GAREM1: variants seen among roughly 807,000 people sequenced by gnomAD.
The protein encoded by GAREM1 is GRB2 associated regulator of MAPK1 subtype 1, also known as GRB2-associated and regulator of MAPK protein 1.
In GAREM1, 26 loss-of-function variants were observed where a neutral mutation model predicts 71.3. The ratio of observed to expected loss-of-function variants is 0.36; its 90% CI spans 0.27 to 0.51. The LOEUF (loss-of-function observed/expected upper bound fraction) is 0.51. GAREM1 is among the 20% of genes least tolerant of loss of function. GAREM1 has a pLI of 0.95. For missense variants in GAREM1, 1,026 were observed against 1,103.1 expected (o/e 0.93, Z 0.99); for synonymous variants, 440 against 433.2 (o/e 1.02, Z -0.20).
chr18:32,338,080 A>G (rs1381592510), intron 2 of GAREM1, among the ~76,000 whole-genome samples: 1 of 152,196 alleles, frequency 6.6e-6, no homozygotes, highest in African/African-American at 2.4e-5. Flanking sequence ...TCAGAGTTTC[A>G]ATACTTACTC....
chr18:32,323,478 C>A lies in GAREM1; in HGVS notation c.263-13155G>T, dbSNP rs970361947. 2.0e-5 allele frequency among the ~76,000 whole-genome samples: 3 copies of A among 152,170 alleles called. No individual in the cohort carries two copies. In the East Asian group the frequency reaches 5.8e-4, roughly 29 times the overall value. On this transcript the variant is annotated intron_variant, in intron 2 of 5. Coordinates refer to ENST00000269209, the MANE Select transcript of GAREM1 (RefSeq NM_001242409.2). ...CAGTGGCTCACACCTGTAATCCCAG[C>A]ACTTTGGGAGGCCAAGGTGGGCAGA...
At chr18:32,409,574 G>A (rs1409253730) in intron 1 of GAREM1, among the ~76,000 whole-genome samples, 1 of 152,038 alleles carries the variant, frequency 6.6e-6, no homozygotes, top group South Asian at 2.1e-4. Flanking sequence ...AAACAAAAGA[G>A]AAAAAAGATT....
intron 1 of GAREM1, among the ~76,000 whole-genome samples, chr18:32,453,669 C>T (rs1190534185): frequency 6.6e-6 from 1 of 152,104 alleles, no homozygotes; most frequent in Non-Finnish European, 1.5e-5. Context: ...AGAATGAACT[C>T]CTCTTAAGAC....
intron 1 of GAREM1, among the ~76,000 whole-genome samples, chr18:32,453,371 C>G (rs1306107908): frequency 6.6e-6 from 1 of 152,126 alleles, no homozygotes. Flanking sequence ...TAAACTACCA[C>G]AAACTGAATG....
chr18:32,337,777 G>A (rs898355666), intron 2 of GAREM1, among the ~76,000 whole-genome samples: 1 of 152,176 alleles, frequency 6.6e-6, no homozygotes, highest in African/African-American at 2.4e-5. Context: ...AATTTGTGCT[G>A]CAAGCTCTTC....
intron 3 of GAREM1, among the ~76,000 whole-genome samples, chr18:32,297,917 T>C (rs1440124661): frequency 2.0e-5 from 3 of 152,204 alleles, no homozygotes; most frequent in African/African-American, 7.2e-5. Flanking sequence ...ACTATATTTT[T>C]CCTAATTTAT....
intron 4 of GAREM1, among the ~76,000 whole-genome samples, chr18:32,277,096 C>T (rs762812324): frequency 5.9e-5 from 9 of 152,032 alleles, no homozygotes; most frequent in Non-Finnish European, 8.8e-5. Context: ...GCAAATGAGG[C>T]GTGAGTCAAG....
rs562482638 is a variant in GAREM1, at chr18:32,448,412, T to C, written c.121+21896A>G. On this transcript the variant is annotated intron_variant, in intron 1 of 5. Coordinates refer to ENST00000269209, the MANE Select transcript of GAREM1 (RefSeq NM_001242409.2). Reference sequence around the variant, plus strand: ...ACCACATCCCCGATCATGTCTGTTATGCTCTTACTTGTCATTTGTGATGGC... The same window carrying C: ...ACCACATCCCCGATCATGTCTGTTACGCTCTTACTTGTCATTTGTGATGGC... Among the ~76,000 whole-genome samples, 10 of 152,370 alleles carry C rather than the reference T, an allele frequency of 6.6e-5. No homozygotes were observed. In the South Asian group the frequency reaches 2.1e-3, roughly 32 times the overall value.
At chr18:32,457,796 C>T (rs1022538526) in intron 1 of GAREM1, among the ~76,000 whole-genome samples, 2 of 152,010 alleles carry the variant, frequency 1.3e-5, no homozygotes, top group Non-Finnish European at 2.9e-5. Flanking sequence ...CTAGGGTACA[C>T]GTGCACAACG....
chr18:32,324,577 C>T (rs529347082), intron 2 of GAREM1, among the ~76,000 whole-genome samples: 2 of 152,308 alleles, frequency 1.3e-5, no homozygotes, highest in South Asian at 2.1e-4. Flanking sequence ...GAGTATAGAG[C>T]ACACACAGTA....
rs139351816 is a variant in GAREM1 at position 32,377,587 on chromosome 18, G to T, written c.262+15308C>A. Among the ~76,000 whole-genome samples the T allele has an allele frequency of 1.3e-3, 203 of 152,140 alleles. 2 individuals are homozygous for T. Among genetic ancestry groups the T allele is most frequent in the African/African-American group, 4.7e-3 (195 of 41,502 alleles). On this transcript the variant is annotated intron_variant, in intron 2 of 5. Coordinates refer to ENST00000269209, the MANE Select transcript of GAREM1 (RefSeq NM_001242409.2). ...GAAGATTATTTCTTTTTTTTGAGAC[G>T]GAGTCTCGTTCTGTCGCCCAGGCTG...
intron 2 of GAREM1, among the ~76,000 whole-genome samples, chr18:32,335,684 T>C (rs1216191586): frequency 2.0e-5 from 3 of 152,242 alleles, no homozygotes; most frequent in Non-Finnish European, 2.9e-5. Context: ...TTCTCAGAAA[T>C]GCTTGATAGA....
rs2041401421 is a variant in GAREM1, at chr18:32,268,128, C to A, written c.2374G>T (p.Ala792Ser). The change falls in exon 6 of 6, where the codon GCC (alanine) becomes TCC (serine). Residue 792 changes from alanine (A) to serine (S), a missense_variant. Transcript: ENST00000269209. ...GAACCGTCGCCACAGGATCTGGGGG[C>A]CAGCTGGAGATGGAGCGGAGATGAG... Reference protein sequence around the residue: ...PFSSPLHLQLAPRSCGDGSPW... With the variant: ...PFSSPLHLQLSPRSCGDGSPW... The A allele has an allele frequency of 2.5e-6, 4 of 1,613,824 alleles. No individual in the cohort carries two copies. The Admixed American group carries it at 5.0e-5, about 20-fold the overall frequency.
intron 1 of GAREM1, among the ~76,000 whole-genome samples, chr18:32,453,497 CCTCGCCTAGCTT>C (rs1568017317): frequency 6.6e-6 from 1 of 152,156 alleles, no homozygotes. Flanking sequence ...CTGTTCCCTG[CCTCGCCTAGCTT>C]TTGGTGGCTC....
At chr18:32,347,646 C>G (rs1348353833) in intron 2 of GAREM1, among the ~76,000 whole-genome samples, 3 of 152,184 alleles carry the variant, frequency 2.0e-5, no homozygotes, top group Non-Finnish European at 2.9e-5. Context: ...CCTTAAGATG[C>G]ACACAACAAC....
chr18:32,350,632 T>C (rs1374342205), intron 2 of GAREM1, among the ~76,000 whole-genome samples: 3 of 152,210 alleles, frequency 2.0e-5, no homozygotes, highest in Admixed American at 6.5e-5. Context: ...AGCATTTCAA[T>C]GCAATTTTAA....
At chr18:32,317,765 T>A (rs2047394372) in intron 2 of GAREM1, among the ~76,000 whole-genome samples, 1 of 151,478 alleles carries the variant, frequency 6.6e-6, no homozygotes, top group Non-Finnish European at 1.5e-5. Flanking sequence ...GGAAAAATGC[T>A]GAGTATTACT....
At chr18:32,461,184 T>A (rs1296135327) in intron 1 of GAREM1, among the ~76,000 whole-genome samples, 1 of 152,214 alleles carries the variant, frequency 6.6e-6, no homozygotes, top group African/African-American at 2.4e-5. Context: ...AATATAGATA[T>A]CTTGGACCTT....
At chr18:32,359,348 A>G (rs2047838751) in intron 2 of GAREM1, among the ~76,000 whole-genome samples, 2 of 152,162 alleles carry the variant, frequency 1.3e-5, no homozygotes, top group Admixed American at 1.3e-4. Context: ...CTGATTTTCC[A>G]TTATGTAGGA....
Sources: allele counts gnomAD v4.1 joint callset (sites outside exome capture counted in the v4.1 genomes callset), GRCh38; gene constraint gnomAD v4.1.1; transcripts MANE v1.5; gene names NCBI Gene and HGNC (gene_info 2026-07-23, HGNC 2026-07-21).